The following LRBA variants were observed in gnomAD, a reference collection of about 807,000 sequenced individuals.
LRBA encodes the protein lipopolysaccharide-responsive and beige-like anchor protein.
A neutral mutation model predicts 330.0 loss-of-function variants in LRBA; 176 were observed. The observed-to-expected ratio is 0.53, with a 90% confidence interval of 0.47 to 0.60. LRBA has a LOEUF of 0.60. Among genes scored for constraint, LRBA ranks in the 20% least tolerant of loss-of-function variants. The probability of loss-of-function intolerance (pLI) is 0.00; values close to 1 mark genes in which losing one functional copy is unlikely to be tolerated. For missense variants in LRBA, 3,259 were observed against 3,444.8 expected (o/e 0.95, Z 1.35); for synonymous variants, 1,230 against 1,193.0 (o/e 1.03, Z -0.64).
chr4:150,694,942 G>A (rs1784499491), intron 36 of LRBA, among the ~76,000 whole-genome samples: 1 of 151,914 alleles, frequency 6.6e-6, no homozygotes. Flanking sequence ...CTTAACAGAA[G>A]TATATATAAT....
chr4:150,316,134 TAAAG>T (rs1731692904), intron 50 of LRBA, among the ~76,000 whole-genome samples: 2 of 152,136 alleles, frequency 1.3e-5, no homozygotes, highest in African/African-American at 2.4e-5. Flanking sequence ...TGAATAAAAA[TAAAG>T]AAAGCTATCC....
chr4:150,678,330 A>G (rs1015064019), intron 37 of LRBA, among the ~76,000 whole-genome samples: 22 of 152,184 alleles, frequency 1.4e-4, no homozygotes, highest in African/African-American at 5.3e-4. Flanking sequence ...ATGTATAATT[A>G]TATGACACAA....
chr4:150,774,626 T>A (rs547963936), intron 34 of LRBA, among the ~76,000 whole-genome samples: 17 of 152,208 alleles, frequency 1.1e-4, no homozygotes, highest in African/African-American at 3.9e-4. Context: ...GAGAAATCCA[T>A]GTAGCTTGTG....
chr4:150,803,022 CAA>C (rs746026878), intron 33 of LRBA, among the ~76,000 whole-genome samples: 1 of 34,794 alleles, frequency 2.9e-5, no homozygotes, highest in Non-Finnish European at 5.6e-5. Flanking sequence ...ACTCTGTCTC[CAA>C]AAAAAAAAAA....
chr4:150,852,501 T>C lies in LRBA; in HGVS notation c.3209A>G (p.Lys1070Arg). The stretch of plus-strand genomic sequence containing the variant: ...TACTTCACTGACAGTCATTGAATCT[T>C]TGCCAGTTGTTATAAAAGAATTAGA... ...ISSNSFITTG[K>R]DSMTVSEVTA... Residue 1070 changes from lysine to arginine, a missense_variant, in exon 23 of 57, where the codon AAA becomes AGA. Transcript: ENST00000651943. The C allele has an allele frequency of 6.2e-7, 1 of 1,613,742 alleles. No homozygotes were observed. Among genetic ancestry groups the C allele is most frequent in the Non-Finnish European group, 8.5e-7 (1 of 1,179,924 alleles).
chr4:150,744,173 T>C (rs979409464), intron 35 of LRBA, among the ~76,000 whole-genome samples: 2 of 152,220 alleles, frequency 1.3e-5, no homozygotes, highest in African/African-American at 2.4e-5. Flanking sequence ...GATTCTACGA[T>C]AGAAAAAACA....
intron 38 of LRBA, among the ~76,000 whole-genome samples, chr4:150,594,422 A>G (rs1340412516): frequency 6.6e-6 from 1 of 152,088 alleles, no homozygotes; most frequent in Non-Finnish European, 1.5e-5. Context: ...CTTATTCTCA[A>G]TCAACCATTA....
chr4:150,493,043 T>C (rs1759157588), intron 40 of LRBA, among the ~76,000 whole-genome samples: 1 of 152,176 alleles, frequency 6.6e-6, no homozygotes, highest in Admixed American at 6.6e-5. Context: ...TGAAGTGGTG[T>C]GATCACAGCT....
intron 37 of LRBA, among the ~76,000 whole-genome samples, chr4:150,647,737 T>C (rs1247858512): frequency 2.0e-5 from 3 of 152,058 alleles, no homozygotes; most frequent in African/African-American, 7.2e-5. Flanking sequence ...TCCTTAAAGA[T>C]GTGATGCTGA....
chr4:150,868,373 T>A (rs1280785449), intron 20 of LRBA, 68 bp from the exon 21 acceptor site: 2 of 1,136,792 alleles, frequency 1.8e-6, no homozygotes, highest in East Asian at 2.5e-5. Context: ...AGGTCATCCA[T>A]CTATTGCAAT....
intron 22 of LRBA, among the ~76,000 whole-genome samples, chr4:150,867,132 A>T (rs1289608572): frequency 6.6e-6 from 1 of 151,358 alleles, no homozygotes; most frequent in South Asian, 2.1e-4. Context: ...AAAAAAAAAA[A>T]ACTACATTCT....
intron 32 of LRBA, among the ~76,000 whole-genome samples, chr4:150,808,088 TGAA>T (rs1285365856): frequency 6.6e-6 from 1 of 152,136 alleles, no homozygotes; most frequent in Non-Finnish European, 1.5e-5. Flanking sequence ...TCACTTCTCA[TGAA>T]GTGACTTGTA....
At chr4:150,861,441 C>G (rs538046191) in intron 22 of LRBA, among the ~76,000 whole-genome samples, 2 of 151,840 alleles carry the variant, frequency 1.3e-5, no homozygotes, top group Admixed American at 1.3e-4. Flanking sequence ...ATTGTGTGTA[C>G]GTAAGGTTTA....
At chr4:150,623,704 T>C (rs922864674) in intron 37 of LRBA, among the ~76,000 whole-genome samples, 4 of 152,100 alleles carry the variant, frequency 2.6e-5, no homozygotes, top group Non-Finnish European at 1.5e-5. Flanking sequence ...AGAATGCATT[T>C]CTATATACCC....
chr4:150,626,728 C>T (rs774464083), intron 37 of LRBA, among the ~76,000 whole-genome samples: 12 of 151,934 alleles, frequency 7.9e-5, no homozygotes, highest in African/African-American at 1.2e-4. Context: ...ATTTCACTGC[C>T]ACATATTAGA....
At chr4:150,488,548 T>C (rs1758168866) in intron 41 of LRBA, among the ~76,000 whole-genome samples, 1 of 151,696 alleles carries the variant, frequency 6.6e-6, no homozygotes, top group African/African-American at 2.4e-5. Context: ...TATTTAGCAA[T>C]AAATGTTAAT....
intron 2 of LRBA, among the ~76,000 whole-genome samples, chr4:150,972,205 A>AT (rs1400973618): frequency 2.0e-5 from 3 of 152,176 alleles, no homozygotes; most frequent in African/African-American, 7.2e-5. Flanking sequence ...AAAATTTCAA[A>AT]TTTTGTACAT....
At chr4:150,944,693 A>G (rs1352214048) in intron 2 of LRBA, among the ~76,000 whole-genome samples, 2 of 152,278 alleles carry the variant, frequency 1.3e-5, no homozygotes, top group African/African-American at 2.4e-5. Flanking sequence ...GAGAAAAAGC[A>G]GTGAAAAAAA....
At chr4:150,310,616 A>C (rs1730935955) in intron 51 of LRBA, 1 of 406,314 alleles carries the variant, frequency 2.5e-6, no homozygotes, top group Admixed American at 4.0e-5. Context: ...ATAACACACT[A>C]CTATTTAAAA....
Sources: gnomAD v4.1 joint callset for allele counts (sites outside exome capture counted in the v4.1 genomes callset) on GRCh38, gnomAD v4.1.1 for gene constraint, MANE v1.5 for transcripts, NCBI Gene and HGNC (gene_info 2026-07-23, HGNC 2026-07-21) for gene names.